The following CEP76 variants were observed in gnomAD, a reference collection of about 807,000 sequenced individuals.
CEP76 encodes centrosomal protein of 76 kDa.
A neutral mutation model predicts 83.3 loss-of-function variants in CEP76; 55 were observed. That is an observed-to-expected ratio of 0.66 (90% CI 0.53 to 0.83). The LOEUF (loss-of-function observed/expected upper bound fraction) is 0.83, where lower values mean the gene tolerates loss of function less well. CEP76 is among the 40% of genes least tolerant of loss of function. The pLI is 0.00. For missense variants in CEP76, 694 were observed against 799.5 expected (o/e 0.87, Z 1.59); for synonymous variants, 270 against 274.5 (o/e 0.98, Z 0.16).
downstream of CEP76, among the ~76,000 whole-genome samples, chr18:12,668,597 C>CAAA (rs752216074): frequency 0.077 from 5,560 of 72,338 alleles, 941 homozygotes; most frequent in Non-Finnish European, 0.091. Context: ...GATTCCATCT[C>CAAA]AAAAAAAAAA....
At chr18:12,668,596 TCAAAAAAAAAA>T (rs1174200797), downstream of CEP76, among the ~76,000 whole-genome samples, 1 of 4,982 alleles carries the variant, frequency 2.0e-4, no homozygotes, top group Non-Finnish European at 3.4e-4. Flanking sequence ...AGATTCCATC[TCAAAAAAAAAA>T]AAAAAAAAAA....
In CEP76 at chr18:12,691,432, G is replaced by A; in HGVS notation, c.860C>T (p.Ala287Val). The A allele has an allele frequency of 6.2e-7, 1 of 1,608,796 alleles. No individual in the cohort carries two copies. Among genetic ancestry groups the A allele is most frequent in the Non-Finnish European group, 8.5e-7 (1 of 1,176,940 alleles). Residue 287 changes from alanine (A) to valine (V), a missense_variant, in exon 7 of 12, where the codon GCT (alanine) becomes GTT (valine). By Grantham distance (64) the Ala-to-Val change is moderately conservative. Coordinates refer to ENST00000262127, the MANE Select transcript of CEP76 (RefSeq NM_024899.4). The part of the protein sequence containing the change: ...AEKERLFLVY[A>V]KQWWREYLQI... ...CAAATATTCTCTCCACCACTGCTTA[G>A]CATATACAAGAAATAATCGCTCTTT...
chr18:12,672,595 G>A (rs143222244), downstream of CEP76: 261 of 926,460 alleles, frequency 2.8e-4, no homozygotes, highest in African/African-American at 4.4e-3. Flanking sequence ...CCATGAAGAG[G>A]CTAATAATGA....
At position 12,678,460 on chromosome 18, in the gene CEP76, T is replaced by C. The variant is rs764987986; in HGVS notation, c.1290-18A>G. On this transcript the variant is annotated intron_variant, in intron 9 of 11. Coordinates refer to ENST00000262127, the MANE Select transcript of CEP76 (RefSeq NM_024899.4). ...GGATGTACCTAAAAAAATTAAATAA[T>C]TTTATATATGAGAACTTAAAAATTA... 8 of 1,516,020 alleles carry C rather than the reference T, an allele frequency of 5.3e-6. No homozygotes were observed. The highest frequency in any genetic ancestry group is 7.1e-6 in the Non-Finnish European group (8 of 1,119,624). 93.9% of individuals were successfully genotyped at this position (1,516,020 alleles called of 1,614,324 possible).
chr18:12,666,980 T>C (rs1316237874), intron 12 of CEP76, among the ~76,000 whole-genome samples: 1 of 152,062 alleles, frequency 6.6e-6, no homozygotes, highest in Non-Finnish European at 1.5e-5. Flanking sequence ...TAAGCTAATA[T>C]AAATCTCAAT....
intron 7 of CEP76, chr18:12,686,787 T>G (rs772406575): frequency 5.8e-6 from 1 of 173,654 alleles, no homozygotes; most frequent in Non-Finnish European, 1.2e-5. Context: ...TGCTCTAAGC[T>G]GAAGTATTTT....
intron 8 of CEP76, chr18:12,685,012 CTTTT>C (rs932893246): frequency 1.4e-5 from 2 of 146,098 alleles, no homozygotes; most frequent in African/African-American, 5.0e-5. Flanking sequence ...GCCATTTTCT[CTTTT>C]TTTTTTATGG....
intron 6 of CEP76, among the ~76,000 whole-genome samples, chr18:12,693,687 G>A (rs1365538544): frequency 6.6e-6 from 1 of 152,052 alleles, no homozygotes; most frequent in Non-Finnish European, 1.5e-5. Context: ...GGAGACTGAG[G>A]CAGGAGAATT....
intron 6 of CEP76, among the ~76,000 whole-genome samples, chr18:12,692,001 T>G (rs2039781615): frequency 6.6e-6 from 1 of 151,988 alleles, no homozygotes; most frequent in South Asian, 2.1e-4. Context: ...TTACCGCGCC[T>G]GGCCCAGAAA....
At chr18:12,702,320 C>A in intron 1 of CEP76, 166 bp downstream of exon 1, 1 of 567,590 alleles carries the variant, frequency 1.8e-6, no homozygotes, top group Non-Finnish European at 3.1e-6. Flanking sequence ...GAGACGAGGA[C>A]GCTCTCCTGC....
chr18:12,674,891 T>C, intron 10 of CEP76, 138 bp from the exon 11 acceptor site: 4 of 518,490 alleles, frequency 7.7e-6, no homozygotes, highest in Non-Finnish European at 1.3e-5. Context: ...TAATAATAAT[T>C]ATAGGGATAC....
At chr18:12,702,372 C>T in intron 1 of CEP76, 114 bp downstream of exon 1, 1 of 790,768 alleles carries the variant, frequency 1.3e-6, no homozygotes, top group Non-Finnish European at 2.1e-6. Flanking sequence ...GCGCACCCCA[C>T]AATCCTCGCT....
chr18:12,694,389 G>A (rs1353375136), intron 6 of CEP76, among the ~76,000 whole-genome samples: 1 of 152,136 alleles, frequency 6.6e-6, no homozygotes, highest in East Asian at 1.9e-4. Flanking sequence ...CGGCAAGTCA[G>A]CAGATAATGA....
chr18:12,672,490 G>A (rs1328562757), downstream of CEP76: 3 of 191,846 alleles, frequency 1.6e-5, no homozygotes, highest in African/African-American at 4.7e-5. Flanking sequence ...CTTGTTTTCA[G>A]TGGTCTCACA....
chr18:12,689,743 T>C (rs761680836), intron 7 of CEP76, among the ~76,000 whole-genome samples: 5 of 152,070 alleles, frequency 3.3e-5, no homozygotes, highest in African/African-American at 4.8e-5. Flanking sequence ...CCTCAGACTA[T>C]ATAGACAGCA....
At chr18:12,668,734 CTT>C (rs543253434), downstream of CEP76, among the ~76,000 whole-genome samples, 326 of 96,704 alleles carry the variant, frequency 3.4e-3, 2 homozygotes, top group Admixed American at 0.036. Flanking sequence ...CACTTTATTC[CTT>C]TTTTTTTTTT....
chr18:12,671,284 G>A (rs557267972), downstream of CEP76: 4 of 152,000 alleles, frequency 2.6e-5, no homozygotes, highest in African/African-American at 7.2e-5. Flanking sequence ...TTTAATTTTC[G>A]AAAAACGAAA....
intron 11 of CEP76, 93 bp from the exon 12 acceptor site, chr18:12,673,596 C>A: frequency 9.1e-7 from 1 of 1,096,802 alleles, no homozygotes; most frequent in Non-Finnish European, 1.3e-6. Flanking sequence ...ATAATTTTTT[C>A]AGGCTAGGCG....
At chr18:12,695,126 C>T in intron 6 of CEP76, 128 bp downstream of exon 6, 1 of 452,982 alleles carries the variant, frequency 2.2e-6, no homozygotes. Flanking sequence ...TTTTGTGAAC[C>T]TTTGAGTGCT....
Sources: allele counts gnomAD v4.1 joint callset (sites outside exome capture counted in the v4.1 genomes callset), GRCh38; gene constraint gnomAD v4.1.1; transcripts MANE v1.5; gene names NCBI Gene and HGNC (gene_info 2026-07-23, HGNC 2026-07-21).